SPECC1L: variants seen among roughly 807,000 people sequenced by gnomAD.
The protein encoded by SPECC1L is cytospin-A.
A neutral mutation model predicts 116.8 loss-of-function variants in SPECC1L; 40 were observed. That is an observed-to-expected ratio of 0.34 (90% CI 0.27 to 0.45). The LOEUF (loss-of-function observed/expected upper bound fraction) is 0.45, where lower values mean the gene tolerates loss of function less well. Ranked by LOEUF, SPECC1L falls within the 20% of genes least tolerant of loss-of-function variation. SPECC1L has a pLI of 1.00. For missense variants in SPECC1L, 1,110 were observed against 1,373.6 expected (o/e 0.81, Z 3.03); for synonymous variants, 504 against 500.6 (o/e 1.01, Z -0.09).
chr22:24,364,090 G>C (rs564949376), intron 12 of SPECC1L, among the ~76,000 whole-genome samples: 79 of 152,238 alleles, frequency 5.2e-4, no homozygotes, highest in African/African-American at 1.6e-3. Flanking sequence ...CAGGAACTTT[G>C]TCGACTATGT....
intron 6 of SPECC1L, 51 bp downstream of exon 6, chr22:24,324,478 C>T (rs369515461): frequency 4.5e-5 from 67 of 1,505,610 alleles, no homozygotes; most frequent in African/African-American, 1.2e-4. Context: ...TTTAAACATG[C>T]GGGGATAATT....
At chr22:24,365,386 G>C (rs1252121583) in intron 12 of SPECC1L, 90 bp from the exon 13 acceptor site, 2 of 1,211,162 alleles carry the variant, frequency 1.7e-6, no homozygotes, top group Non-Finnish European at 2.4e-6. Flanking sequence ...GGTAATATCT[G>C]TTGTTTTTGG....
At chr22:24,302,969 AAG>A (rs2049411598) in intron 3 of SPECC1L, among the ~76,000 whole-genome samples, 1 of 152,134 alleles carries the variant, frequency 6.6e-6, no homozygotes, top group African/African-American at 2.4e-5. Context: ...TTTTTTAAAA[AAG>A]AGATGAGATA....
At position 24,317,851 on chromosome 22, in the gene SPECC1L, G is replaced by A. The variant is rs1315959632; in HGVS notation, c.308-3437G>A. Among the ~76,000 whole-genome samples, 9 of 151,902 alleles carry A rather than the reference G, an allele frequency of 5.9e-5. No individual in the cohort carries two copies. The East Asian group carries it at 1.8e-3, about 30-fold the overall frequency. ...GGTCTCCTCACTTCTCAGATGGTGCGGCCGGGCAGAGACGCTCCTCACATC... is the reference window on the plus strand; with the variant it reads ...GGTCTCCTCACTTCTCAGATGGTGCAGCCGGGCAGAGACGCTCCTCACATC... On this transcript the variant is annotated intron_variant, in intron 4 of 16. Transcript: ENST00000314328.
intron 12 of SPECC1L, 88 bp from the exon 13 acceptor site, chr22:24,365,388 T>C (rs2041739142): frequency 8.1e-7 from 1 of 1,235,186 alleles, no homozygotes; most frequent in Non-Finnish European, 1.2e-6. Context: ...TAATATCTGT[T>C]GTTTTTGGAA....
intron 14 of SPECC1L, among the ~76,000 whole-genome samples, chr22:24,386,636 C>G (rs2146715377): frequency 6.6e-6 from 1 of 151,926 alleles, no homozygotes; most frequent in African/African-American, 2.4e-5. Flanking sequence ...CGGAGTCTTG[C>G]TCTGTCATCC....
intron 10 of SPECC1L, among the ~76,000 whole-genome samples, chr22:24,345,047 A>G (rs1313416675): frequency 6.6e-6 from 1 of 152,158 alleles, no homozygotes; most frequent in Admixed American, 6.5e-5. Context: ...ATGGAAATGC[A>G]AGATCCCTGA....
intron 14 of SPECC1L, among the ~76,000 whole-genome samples, chr22:24,398,094 G>A (rs555311598): frequency 1.3e-5 from 2 of 152,340 alleles, no homozygotes; most frequent in South Asian, 4.1e-4. Flanking sequence ...ACTGGCTAGA[G>A]AAAGGGACTC....
At chr22:24,412,472 T>A (rs1176540275) in intron 15 of SPECC1L, 176 bp from the exon 16 acceptor site, 2 of 685,450 alleles carry the variant, frequency 2.9e-6, no homozygotes, top group African/African-American at 3.5e-5. Flanking sequence ...TGGCCGGGCC[T>A]AGTGCAGGGT....
At chr22:24,356,364 A>C (rs2041533620) in intron 11 of SPECC1L, among the ~76,000 whole-genome samples, 1 of 152,110 alleles carries the variant, frequency 6.6e-6, no homozygotes, top group Non-Finnish European at 1.5e-5. Context: ...GTAGATGCAT[A>C]CCCATTTGGG....
chr22:24,347,460 CT>C (rs2041320662), intron 11 of SPECC1L, among the ~76,000 whole-genome samples: 1 of 152,158 alleles, frequency 6.6e-6, no homozygotes, highest in Non-Finnish European at 1.5e-5. Context: ...TATTGTCATC[CT>C]CATTTTATAG....
intron 14 of SPECC1L, among the ~76,000 whole-genome samples, chr22:24,409,747 G>A (rs1478430644): frequency 1.3e-5 from 2 of 152,198 alleles, no homozygotes. Context: ...AGAAAGTCAA[G>A]GCTGGGTACA....
At chr22:24,337,631 A>G (rs1046700285) in intron 9 of SPECC1L, among the ~76,000 whole-genome samples, 1 of 152,242 alleles carries the variant, frequency 6.6e-6, no homozygotes, top group Non-Finnish European at 1.5e-5. Flanking sequence ...AATTCTAAAT[A>G]TAAGTAAATA....
intron 10 of SPECC1L, among the ~76,000 whole-genome samples, chr22:24,340,910 C>T (rs1386622661): frequency 6.6e-6 from 1 of 152,094 alleles, no homozygotes; most frequent in Admixed American, 6.5e-5. Flanking sequence ...ATTATTCTGC[C>T]ATCACAAACA....
intron 9 of SPECC1L, among the ~76,000 whole-genome samples, chr22:24,337,904 A>G (rs938320204): frequency 6.6e-6 from 1 of 152,184 alleles, no homozygotes; most frequent in Non-Finnish European, 1.5e-5. Context: ...ATTAAATACA[A>G]ATCAGAAAAT....
chr22:24,272,356 C>T (rs1178946257), intron 1 of SPECC1L, among the ~76,000 whole-genome samples: 1 of 151,890 alleles, frequency 6.6e-6, no homozygotes, highest in African/African-American at 2.4e-5. Flanking sequence ...CAGAGCGAGG[C>T]TCCGTCTCAA....
chr22:24,390,315 C>G (rs185520564), intron 14 of SPECC1L, among the ~76,000 whole-genome samples: 195 of 152,192 alleles, frequency 1.3e-3, no homozygotes, highest in African/African-American at 4.5e-3. Context: ...GCTGGGAGTT[C>G]TTCCAGTAGA....
chr22:24,399,113 C>T (rs2042421090), intron 14 of SPECC1L, among the ~76,000 whole-genome samples: 1 of 152,202 alleles, frequency 6.6e-6, no homozygotes, highest in Non-Finnish European at 1.5e-5. Context: ...TGGCAGTTTC[C>T]TGAGTTATCA....
At chr22:24,304,210 A>G (rs982586779) in intron 3 of SPECC1L, among the ~76,000 whole-genome samples, 1 of 152,038 alleles carries the variant, frequency 6.6e-6, no homozygotes, top group African/African-American at 2.4e-5. Flanking sequence ...AATTATTGAG[A>G]CAGCATGTGC....
Sources: allele counts gnomAD v4.1 joint callset (sites outside exome capture counted in the v4.1 genomes callset), GRCh38; gene constraint gnomAD v4.1.1; transcripts MANE v1.5; gene names NCBI Gene and HGNC (gene_info 2026-07-23, HGNC 2026-07-21).